MYH15: variants seen among roughly 807,000 people sequenced by gnomAD.
MYH15 encodes the protein myosin heavy chain 15.
In MYH15, 227 loss-of-function variants were observed where a neutral mutation model predicts 240.5. That is an observed-to-expected ratio of 0.94 (90% CI 0.85 to 1.05). The LOEUF is 1.05. Among genes scored for constraint, MYH15 ranks in the 50% least tolerant of loss-of-function variants. The pLI is 0.00. For missense variants in MYH15, 2,217 were observed against 2,247.5 expected (o/e 0.99, Z 0.27); for synonymous variants, 785 against 796.7 (o/e 0.99, Z 0.25).
Position 108,430,831 on chromosome 3 carries a change from C to A in MYH15, c.3312+1G>T, listed in dbSNP as rs201696928. On this transcript the variant is annotated splice_donor_variant, in intron 26 of 40. Coordinates refer to ENST00000693548, the MANE Select transcript of MYH15 (RefSeq NM_014981.3). LOFTEE classifies it high-confidence loss of function. ...CACAGGCATATTTGATAATTGATTA[C>A]CTGAAGCTCTTTAACCGTCTTCTGA... The A allele has an allele frequency of 2.5e-6, 4 of 1,607,842 alleles. No homozygotes were observed. Among genetic ancestry groups the A allele is most frequent in the Non-Finnish European group, 3.4e-6 (4 of 1,176,486 alleles).
At chr3:108,484,782 A>C (rs1408230144) in intron 11 of MYH15, among the ~76,000 whole-genome samples, 1 of 152,006 alleles carries the variant, frequency 6.6e-6, no homozygotes, top group Non-Finnish European at 1.5e-5. Context: ...GTCCGGCCAT[A>C]ATTTGTTCCT....
At chr3:108,523,617 C>A (rs7611839) in intron 1 of MYH15, among the ~76,000 whole-genome samples, 5,522 of 151,818 alleles carry the variant, frequency 0.036, 332 homozygotes, top group African/African-American at 0.12. Flanking sequence ...CTTGCTACAG[C>A]CCATATTAGA....
Position 108,464,713 on chromosome 3 carries a change from C to G in MYH15, c.1656G>C (p.Ser552=). 2.5e-6 allele frequency: 4 copies of G among 1,613,814 alleles called. No individual in the cohort carries two copies. Among genetic ancestry groups the G allele is most frequent in the South Asian group, 2.2e-5 (2 of 91,046 alleles). Residue 552 remains serine, a synonymous_variant, in exon 15 of 41, where the codon TCG becomes TCC. Coordinates refer to ENST00000693548, the MANE Select transcript of MYH15 (RefSeq NM_014981.3). ...CAGGCTTGGGCTTCTGGAGATGAAC[C>G]GACTTTCCAAAATGGTTGTCAAAGA... is the stretch of plus-strand genomic sequence containing the variant. ...TKLFDNHFGK[S]VHLQKPKPDK... is the part of the protein sequence containing the mutation.
chr3:108,511,165 C>T (rs777458072), upstream of MYH15, among the ~76,000 whole-genome samples: 1 of 151,810 alleles, frequency 6.6e-6, no homozygotes, highest in Non-Finnish European at 1.5e-5. Flanking sequence ...AGCAGACAGA[C>T]CGTTATAGAC....
intron 1 of MYH15, among the ~76,000 whole-genome samples, chr3:108,519,021 G>C (rs553743200): frequency 1.3e-5 from 2 of 152,286 alleles, no homozygotes; most frequent in South Asian, 2.1e-4. Context: ...AAATAGAGCA[G>C]ACCCATCAGT....
chr3:108,444,795 A>G lies in MYH15; in HGVS notation c.2500T>C (p.Ser834Pro), dbSNP rs1264156074. 6.2e-7 allele frequency: 1 copy of G among 1,614,074 alleles called. No homozygotes were observed. Among genetic ancestry groups the G allele is most frequent in the Non-Finnish European group, 8.5e-7 (1 of 1,179,992 alleles). The change falls in exon 22 of 41, where the codon TCT becomes CCT. Residue 834 changes from serine to proline, a missense_variant. Transcript: ENST00000693548. ...GCTACTTCTTCTCCTACTTCTGAAG[A>G]TTTAACAAGAGGCTTGATCTTGAAG... ...LFFKIKPLVK[S>P]SEVGEEVAGL...
intron 1 of MYH15, among the ~76,000 whole-genome samples, chr3:108,528,336 A>G (rs77306373): frequency 0.032 from 4,941 of 152,254 alleles, 253 homozygotes; most frequent in African/African-American, 0.11. Context: ...GTTTCTTAAT[A>G]ATAAAGAATG....
At chr3:108,417,262 T>C (rs2082641936) in intron 28 of MYH15, among the ~76,000 whole-genome samples, 1 of 152,202 alleles carries the variant, frequency 6.6e-6, no homozygotes, top group Non-Finnish European at 1.5e-5. Flanking sequence ...ATAGTGTAGG[T>C]ATTATACTAA....
Position 108,414,401 on chromosome 3 carries a change from G to T in MYH15, c.3976C>A (p.Gln1326Lys). 6.2e-7 allele frequency: 1 copy of T among 1,614,064 alleles called. No individual in the cohort carries two copies. Among genetic ancestry groups the T allele is most frequent in the Non-Finnish European group, 8.5e-7 (1 of 1,180,008 alleles). Residue 1326 changes from glutamine to lysine, a missense_variant, in exon 30 of 41, where the codon CAG (glutamine) becomes AAG (lysine). By Grantham distance (53) the Gln-to-Lys change is moderately conservative (BLOSUM62 1). Coordinates refer to ENST00000693548, the MANE Select transcript of MYH15 (RefSeq NM_014981.3). ...KSQSALAHAL[Q>K]KAQRDCDLLR... ...AGGTCACAGTCACGCTGAGCCTTCTGCAGGGCATGGGCCAGGGCACTCTGG... is the reference window on the plus strand; with the variant it reads ...AGGTCACAGTCACGCTGAGCCTTCTTCAGGGCATGGGCCAGGGCACTCTGG...
At chr3:108,532,872 A>G (rs1388567617), upstream of MYH15, among the ~76,000 whole-genome samples, 2 of 152,212 alleles carry the variant, frequency 1.3e-5, no homozygotes, top group Non-Finnish European at 2.9e-5. Context: ...AAGAATAAGT[A>G]TACTGCCAAA....
At chr3:108,422,160 TTCTAC>T (rs1192964816) in intron 27 of MYH15, among the ~76,000 whole-genome samples, 4 of 152,160 alleles carry the variant, frequency 2.6e-5, no homozygotes, top group African/African-American at 7.2e-5. Flanking sequence ...TCTTCCATGG[TTCTAC>T]AGATTTTACA....
At chr3:108,446,837 C>T (rs904001366) in intron 21 of MYH15, among the ~76,000 whole-genome samples, 13 of 151,966 alleles carry the variant, frequency 8.6e-5, no homozygotes, top group African/African-American at 3.1e-4. Context: ...CATGAAGAAT[C>T]AGGAACACAC....
At chr3:108,493,257 T>C (rs2083367261) in intron 7 of MYH15, 80 bp from the exon 8 acceptor site, 5 of 963,396 alleles carry the variant, frequency 5.2e-6, no homozygotes, top group South Asian at 4.2e-5. Context: ...ATGGCTTCAT[T>C]ATATGTAACT....
intron 33 of MYH15, among the ~76,000 whole-genome samples, chr3:108,404,553 AG>A (rs2082532214): frequency 1.3e-5 from 2 of 152,188 alleles, no homozygotes; most frequent in Non-Finnish European, 2.9e-5. Context: ...TGTGACATGT[AG>A]GGACTGCTTT....
intron 11 of MYH15, among the ~76,000 whole-genome samples, chr3:108,480,943 T>C (rs1201674714): frequency 6.6e-6 from 1 of 152,062 alleles, no homozygotes; most frequent in African/African-American, 2.4e-5. Flanking sequence ...AATAATTAAC[T>C]GGGAAAAATT....
At chr3:108,439,999 A>G in intron 23 of MYH15, 86 bp from the exon 24 acceptor site, 1 of 1,218,084 alleles carries the variant, frequency 8.2e-7, no homozygotes, top group Non-Finnish European at 1.1e-6. Context: ...CTGTCGTCCA[A>G]AACTACGCAT....
chr3:108,414,191 TGTGA>T (rs757915419), intron 30 of MYH15, 37 bp downstream of exon 30: 1 of 1,575,880 alleles, frequency 6.3e-7, no homozygotes, highest in South Asian at 1.1e-5. Flanking sequence ...TACTGCTCCA[TGTGA>T]GTAACTCCAG....
chr3:108,419,618 G>T (rs2082664702), intron 28 of MYH15, among the ~76,000 whole-genome samples: 1 of 152,210 alleles, frequency 6.6e-6, no homozygotes, highest in African/African-American at 2.4e-5. Flanking sequence ...GGGCTTGGTA[G>T]CAAGGCCAGG....
At chr3:108,486,013 C>T (rs967751052) in intron 10 of MYH15, among the ~76,000 whole-genome samples, 12 of 152,102 alleles carry the variant, frequency 7.9e-5, no homozygotes, top group Non-Finnish European at 1.2e-4. Flanking sequence ...GAGTTCCTAA[C>T]GATATTTGAA....
Sources: gnomAD v4.1 joint callset for allele counts (sites outside exome capture counted in the v4.1 genomes callset) on GRCh38, gnomAD v4.1.1 for gene constraint, MANE v1.5 for transcripts, NCBI Gene and HGNC (gene_info 2026-07-23, HGNC 2026-07-21) for gene names.